Variants in SPDYE10 observed in about 807,000 individuals in gnomAD.
The protein encoded by SPDYE10 is speedy/RINGO cell cycle regulator family member E10.
At chr7:73,154,976 CG>C in the SPDYE10 span, 1 of 151,464 alleles carries the variant, frequency 6.6e-6, no homozygotes, top group Admixed American at 6.6e-5. Context: ...GGGCGCCGCG[CG>C]CCGCTGCTCC....
chr7:73,114,890 G>T, the SPDYE10 span, among the ~76,000 whole-genome samples: 1 of 144,536 alleles, frequency 6.9e-6, no homozygotes, highest in East Asian at 2.1e-4. Context: ...CAGCTCCACA[G>T]CGGGTCATCT....
chr7:73,150,948 ATTTTTT>A, the SPDYE10 span, among the ~76,000 whole-genome samples: 42 of 4,926 alleles, frequency 8.5e-3, no homozygotes, highest in Non-Finnish European at 0.01. Flanking sequence ...ATATATATAT[ATTTTTT>A]TTTTTTTACC....
At chr7:73,134,920 G>A in the SPDYE10 span, among the ~76,000 whole-genome samples, 2 of 152,304 alleles carry the variant, frequency 1.3e-5, no homozygotes, top group Admixed American at 6.5e-5. Flanking sequence ...AAGGGCACAA[G>A]CTGAGGAGTG....
At chr7:73,135,527 TTC>T in the SPDYE10 span, among the ~76,000 whole-genome samples, 1 of 136,478 alleles carries the variant, frequency 7.3e-6, no homozygotes, top group African/African-American at 2.8e-5. Context: ...TTTCTTTCTT[TTC>T]TTTTTTTTTT....
At chr7:73,132,546 C>CAAAA in the SPDYE10 span, among the ~76,000 whole-genome samples, 4 of 59,454 alleles carry the variant, frequency 6.7e-5, no homozygotes, top group Non-Finnish European at 1.3e-4. Context: ...GACCCTGTCT[C>CAAAA]AAAAAAAAAA....
the SPDYE10 span, among the ~76,000 whole-genome samples, chr7:73,154,259 T>C: frequency 1.5e-5 from 2 of 132,116 alleles, no homozygotes; most frequent in East Asian, 4.2e-4. Context: ...TCCTGGTGAC[T>C]ATGCCTGCCT....
At chr7:73,145,072 C>T in the SPDYE10 span, among the ~76,000 whole-genome samples, 1 of 138,942 alleles carries the variant, frequency 7.2e-6, no homozygotes, top group East Asian at 2.0e-4. Flanking sequence ...TCCTTCCTTC[C>T]TGCTTTTTCT....
At chr7:73,150,907 AATATAT>A in the SPDYE10 span, among the ~76,000 whole-genome samples, 4 of 11,568 alleles carry the variant, frequency 3.5e-4, no homozygotes, top group Non-Finnish European at 4.2e-4. Context: ...AAAAAAAAAA[AATATAT>A]ATATATATAT....
chr7:73,150,023 TTG>T, the SPDYE10 span, among the ~76,000 whole-genome samples: 1 of 5,748 alleles, frequency 1.7e-4, no homozygotes, highest in African/African-American at 1.3e-3. Flanking sequence ...CATCCAACAC[TTG>T]TGTTACCTTG....
the SPDYE10 span, among the ~76,000 whole-genome samples, chr7:73,149,478 G>A: frequency 2.8e-5 from 4 of 144,962 alleles, no homozygotes; most frequent in African/African-American, 5.2e-5. Context: ...CAGTAGAGAC[G>A]GGGTTTCACC....
the SPDYE10 span, among the ~76,000 whole-genome samples, chr7:73,114,559 C>G: frequency 2.6e-5 from 3 of 113,310 alleles, no homozygotes; most frequent in African/African-American, 9.0e-5. Flanking sequence ...TTTTTGGAAA[C>G]AGAGTCTCAC....
At chr7:73,154,697 GC>G in the SPDYE10 span, among the ~76,000 whole-genome samples, 1 of 149,100 alleles carries the variant, frequency 6.7e-6, no homozygotes, top group Admixed American at 6.6e-5. Context: ...GGCTCCACCC[GC>G]CCCGTGCCTC....
chr7:73,126,642 A>G, the SPDYE10 span, among the ~76,000 whole-genome samples: 2 of 147,380 alleles, frequency 1.4e-5, no homozygotes, highest in South Asian at 4.2e-4. Context: ...TCATTATTAA[A>G]CCACTTAACA....
the SPDYE10 span, among the ~76,000 whole-genome samples, chr7:73,150,948 A>ATATATATATTT: frequency 2.0e-4 from 1 of 4,940 alleles, no homozygotes; most frequent in African/African-American, 8.9e-4. Flanking sequence ...ATATATATAT[A>ATATATATATTT]TTTTTTTTTT....
chr7:73,128,119 T>C, the SPDYE10 span, among the ~76,000 whole-genome samples: 8 of 152,136 alleles, frequency 5.3e-5, no homozygotes, highest in Non-Finnish European at 1.2e-4. Flanking sequence ...TGGAATATGT[T>C]GTAGCAGTTA....
chr7:73,135,531 T>A, the SPDYE10 span, among the ~76,000 whole-genome samples: 1 of 127,806 alleles, frequency 7.8e-6, no homozygotes, highest in African/African-American at 3.0e-5. Context: ...TTTCTTTTCT[T>A]TTTTTTTTTT....
chr7:73,134,537 A>AAG, the SPDYE10 span, among the ~76,000 whole-genome samples: 6,190 of 139,582 alleles, frequency 0.044, 53 homozygotes, highest in Middle Eastern at 0.089. Context: ...GAAAGAAAGA[A>AAG]AAAGAAAGAA....
At chr7:73,124,666 A>G in the SPDYE10 span, among the ~76,000 whole-genome samples, 24 of 145,294 alleles carry the variant, frequency 1.7e-4, no homozygotes, top group Non-Finnish European at 2.7e-4. Context: ...GCTCATGCCT[A>G]TAATCCCAGC....
the SPDYE10 span, among the ~76,000 whole-genome samples, chr7:73,134,552 A>AGAAAGAAAGAAAGAAAGAAAGAAAG: frequency 2.6e-5 from 4 of 152,112 alleles, no homozygotes; most frequent in African/African-American, 9.7e-5. Context: ...AAAGAAAGAA[A>AGAAAGAAAGAAAGAAAGAAAGAAAG]GAAAGAAAGA....
Sources: gnomAD v4.1 joint callset for allele counts (sites outside exome capture counted in the v4.1 genomes callset) on GRCh38, gnomAD v4.1.1 for gene constraint, MANE v1.5 for transcripts, NCBI Gene and HGNC (gene_info 2026-07-23, HGNC 2026-07-21) for gene names.